The following PTPRD variants were observed in gnomAD, a reference collection of about 807,000 sequenced individuals.
The protein encoded by PTPRD is protein tyrosine phosphatase receptor type D, also known as receptor-type tyrosine-protein phosphatase delta.
PTPRD carries 34 observed loss-of-function variants against 214.5 expected under a neutral mutation model. That is an observed-to-expected ratio of 0.16 (90% CI 0.12 to 0.21). PTPRD has a LOEUF of 0.21. Ranked by LOEUF, PTPRD falls within the 10% of genes least tolerant of loss-of-function variation. PTPRD has a pLI of 1.00. For synonymous variants in PTPRD, 1,128 were observed against 845.7 expected, an observed-to-expected ratio of 1.33 and a Z score of -5.79; for missense variants, 2,545 against 2,398.7, an observed-to-expected ratio of 1.06 and a Z score of -1.27.
chr9:8,972,210 G>C (rs966590740), intron 11 of PTPRD, among the ~76,000 whole-genome samples: 1 of 151,774 alleles, frequency 6.6e-6, no homozygotes, highest in East Asian at 1.9e-4. Context: ...TCTTTCAGTA[G>C]ACTAATACGG....
At chr9:10,306,273 G>C (rs1351888848) in intron 3 of PTPRD, among the ~76,000 whole-genome samples, 2 of 150,406 alleles carry the variant, frequency 1.3e-5, no homozygotes, top group African/African-American at 2.5e-5. Flanking sequence ...GGCCTGTCGT[G>C]GGGTGGGGGG....
chr9:9,122,557 A>T (rs936295141), intron 10 of PTPRD, among the ~76,000 whole-genome samples: 16 of 152,234 alleles, frequency 1.1e-4, no homozygotes, highest in African/African-American at 3.4e-4. Context: ...TCCTAACATA[A>T]TTTTAGCTAA....
chr9:8,741,803 C>A (rs2092004844), intron 11 of PTPRD, among the ~76,000 whole-genome samples: 1 of 151,876 alleles, frequency 6.6e-6, no homozygotes, highest in African/African-American at 2.4e-5. Flanking sequence ...ATTGGCCAGG[C>A]TGGTGTCAAA....
intron 2 of PTPRD, among the ~76,000 whole-genome samples, chr9:10,548,036 G>T (rs2060524833): frequency 6.6e-6 from 1 of 152,174 alleles, no homozygotes; most frequent in African/African-American, 2.4e-5. Flanking sequence ...CAGAGCTCTA[G>T]CAGTTGCTGT....
chr9:9,486,831 G>A (rs1253836013), intron 8 of PTPRD, among the ~76,000 whole-genome samples: 2 of 151,922 alleles, frequency 1.3e-5, no homozygotes, highest in Non-Finnish European at 2.9e-5. Flanking sequence ...ATAATTACTT[G>A]TTCTTTTGTC....
intron 5 of PTPRD, among the ~76,000 whole-genome samples, chr9:9,807,584 T>C (rs1175049796): frequency 6.6e-6 from 1 of 152,192 alleles, no homozygotes; most frequent in Admixed American, 6.5e-5. Context: ...GCTACAGCAT[T>C]TACCCTGAGA....
At chr9:9,337,737 G>A (rs1202431917) in intron 9 of PTPRD, among the ~76,000 whole-genome samples, 2 of 152,104 alleles carry the variant, frequency 1.3e-5, no homozygotes, top group Admixed American at 1.3e-4. Context: ...ACGGCAAAAG[G>A]CTTGCTGGAC....
intron 12 of PTPRD, among the ~76,000 whole-genome samples, chr9:8,728,251 G>A (rs944103776): frequency 3.3e-5 from 5 of 151,188 alleles, no homozygotes; most frequent in African/African-American, 9.7e-5. Context: ...ACTCCATCTC[G>A]AAAAAAAAGA....
intron 2 of PTPRD, among the ~76,000 whole-genome samples, chr9:10,470,220 T>C (rs12352981): frequency 0.87 from 132,768 of 152,078 alleles, 58,090 homozygotes; most frequent in East Asian, 1. Context: ...CAAAATATAA[T>C]ACACACCACA....
intron 9 of PTPRD, among the ~76,000 whole-genome samples, chr9:9,354,106 TC>T (rs1157497494): frequency 6.6e-6 from 1 of 151,532 alleles, no homozygotes; most frequent in Non-Finnish European, 1.5e-5. Context: ...TTTTGGTGAA[TC>T]CCCCCACACT....
At chr9:9,365,734 G>C (rs1420372241) in intron 9 of PTPRD, among the ~76,000 whole-genome samples, 4 of 151,432 alleles carry the variant, frequency 2.6e-5, no homozygotes, top group Non-Finnish European at 5.9e-5. Flanking sequence ...CCTTCCTTGT[G>C]TGCTGTCGAC....
chr9:8,328,570 C>G (rs142774470), intron 44 of PTPRD, among the ~76,000 whole-genome samples: 313 of 149,392 alleles, frequency 2.1e-3, no homozygotes, highest in African/African-American at 7.1e-3. Flanking sequence ...GTTGGCCTGT[C>G]TTGCTAGGTT....
At position 10,056,537 on chromosome 9, in the gene PTPRD, C is replaced by T. The variant is rs150238852; in HGVS notation, c.-544-22747G>A. Among the ~76,000 whole-genome samples the T allele has an allele frequency of 8.6e-5, 13 of 151,460 alleles. No homozygotes were observed. The East Asian group carries it at 2.3e-3, about 27-fold the overall frequency. ...TTTACTCTGTTCTTTGTTTTTAAAT[C>T]GCCTTAGTGTTTTTAATAGTAAGTC... On this transcript the variant is annotated intron_variant, in intron 3 of 45. Transcript: ENST00000381196.
chr9:9,370,415 C>G (rs1021057067), intron 9 of PTPRD, among the ~76,000 whole-genome samples: 2 of 151,676 alleles, frequency 1.3e-5, no homozygotes, highest in Admixed American at 6.6e-5. Context: ...CTCTATTTGT[C>G]TGTTATTGGT....
At chr9:10,118,263 T>C (rs2098747169) in intron 3 of PTPRD, among the ~76,000 whole-genome samples, 1 of 151,772 alleles carries the variant, frequency 6.6e-6, no homozygotes, top group South Asian at 2.1e-4. Context: ...TATCTATCTA[T>C]AGAAACATTT....
chr9:9,619,724 C>A (rs1185587500), intron 7 of PTPRD, among the ~76,000 whole-genome samples: 1 of 142,738 alleles, frequency 7.0e-6, no homozygotes. Context: ...TATATATAAT[C>A]GTGTATTTAA....
At chr9:9,029,798 G>A (rs940465805) in intron 10 of PTPRD, among the ~76,000 whole-genome samples, 1 of 151,874 alleles carries the variant, frequency 6.6e-6, no homozygotes, top group African/African-American at 2.4e-5. Context: ...TATAATGGTG[G>A]GACATCCAGG....
chr9:9,997,413 G>A (rs553305617), intron 4 of PTPRD, among the ~76,000 whole-genome samples: 1 of 151,848 alleles, frequency 6.6e-6, no homozygotes, highest in East Asian at 1.9e-4. Flanking sequence ...AACCTCCCGA[G>A]TAGCTGGGAT....
At chr9:8,646,697 C>T (rs898653899) in intron 12 of PTPRD, among the ~76,000 whole-genome samples, 2 of 152,190 alleles carry the variant, frequency 1.3e-5, no homozygotes, top group Non-Finnish European at 2.9e-5. Context: ...TTATGAATCA[C>T]AATAGTCTAT....
Sources: gnomAD v4.1 joint callset for allele counts (sites outside exome capture counted in the v4.1 genomes callset) on GRCh38, gnomAD v4.1.1 for gene constraint, MANE v1.5 for transcripts, NCBI Gene and HGNC (gene_info 2026-07-23, HGNC 2026-07-21) for gene names.